Variants in NOSTRIN observed in about 807,000 individuals in gnomAD.
NOSTRIN encodes the protein BM247 homolog.
NOSTRIN carries 63 observed loss-of-function variants against 59.0 expected under a neutral mutation model. The observed-to-expected ratio is 1.07, with a 90% CI of 0.87 to 1.32. The LOEUF is 1.32. NOSTRIN is among the 40% of genes most tolerant of loss of function. The pLI is 0.00. For synonymous variants in NOSTRIN, 200 were observed against 165.4 expected (o/e 1.21, Z -1.61); for missense variants, 512 against 473.1 (o/e 1.08, Z -0.76).
upstream of NOSTRIN, among the ~76,000 whole-genome samples, chr2:168,800,502 G>T (rs756153856): frequency 6.6e-6 from 1 of 152,156 alleles, no homozygotes; most frequent in East Asian, 1.9e-4. Flanking sequence ...TGGCAGACAG[G>T]AGCAAGATGG....
chr2:168,797,051 T>C (rs1685496333), upstream of NOSTRIN, among the ~76,000 whole-genome samples: 1 of 150,478 alleles, frequency 6.6e-6, no homozygotes. Context: ...ACTCATACTT[T>C]TCTTTTCTTT....
chr2:168,859,501 T>C lies in NOSTRIN; in HGVS notation c.1054-11T>C. 1.9e-6 allele frequency: 3 copies of C among 1,613,206 alleles called. No individual in the cohort carries two copies. Among genetic ancestry groups the C allele is most frequent in the South Asian group, 1.1e-5 (1 of 90,750 alleles). ...GAAATTTGCTCACATGGCCAAATGA[T>C]GTATCCACAGAACAATTTGAAACTA... On this transcript the variant is annotated splice_polypyrimidine_tract_variant and intron_variant, in intron 12 of 15. Coordinates refer to ENST00000317647, the MANE Select transcript of NOSTRIN (RefSeq NM_001039724.4).
At chr2:168,834,201 T>C in intron 6 of NOSTRIN, 26 bp from the exon 7 acceptor site, 1 of 864,428 alleles carries the variant, frequency 1.2e-6, no homozygotes, top group Non-Finnish European at 2.0e-6. Flanking sequence ...CTCCTTTTTT[T>C]CTTGTTTGTA....
At chr2:168,802,434 A>C (rs6433093), upstream of NOSTRIN, 384,422 of 525,050 alleles carry the variant, frequency 0.73, 142,855 homozygotes, top group East Asian at 0.97. Context: ...ACTATCTCAC[A>C]CTGGCCGTCT....
intron 2 of NOSTRIN, among the ~76,000 whole-genome samples, chr2:168,791,130 T>A (rs912509030): frequency 4.7e-4 from 72 of 152,188 alleles, no homozygotes; most frequent in African/African-American, 1.7e-3. Context: ...CTCCTAATGC[T>A]ATCCCTCCCT....
At chr2:168,789,421 A>T (rs1419516656) in intron 2 of NOSTRIN, among the ~76,000 whole-genome samples, 1 of 152,046 alleles carries the variant, frequency 6.6e-6, no homozygotes, top group Middle Eastern at 3.2e-3. Context: ...GTATAGGGGA[A>T]CTCCCCTTTA....
At chr2:168,858,122 C>G (rs1040564162) in intron 12 of NOSTRIN, among the ~76,000 whole-genome samples, 2 of 152,224 alleles carry the variant, frequency 1.3e-5, no homozygotes, top group African/African-American at 4.8e-5. Flanking sequence ...TACATCTATT[C>G]CTTTGGCTGT....
intron 3 of NOSTRIN, 51 bp downstream of exon 3, chr2:168,824,768 T>TTTTTGTTTGTTTG (rs1553523541): frequency 1.2e-5 from 9 of 736,690 alleles, no homozygotes; most frequent in Admixed American, 7.8e-5. Context: ...TTTATTTGTT[T>TTTTTGTTTGTTTG]TTTGTTTGTT....
chr2:168,857,306 T>A (rs1689187634), intron 12 of NOSTRIN, among the ~76,000 whole-genome samples: 1 of 152,236 alleles, frequency 6.6e-6, no homozygotes, highest in South Asian at 2.1e-4. Flanking sequence ...TATTTTCCAT[T>A]CATCCCTCTG....
upstream of NOSTRIN, among the ~76,000 whole-genome samples, chr2:168,797,158 G>A (rs1685506448): frequency 1.5e-5 from 2 of 134,258 alleles, no homozygotes; most frequent in South Asian, 2.4e-4. Flanking sequence ...GCATGAACAC[G>A]GCTTATTGCA....
intron 2 of NOSTRIN, chr2:168,811,914 C>T (rs1297922036): frequency 1.7e-5 from 5 of 293,432 alleles, no homozygotes; most frequent in Non-Finnish European, 3.1e-5. Flanking sequence ...GTTTATTACC[C>T]TCTCCTGGGG....
At chr2:168,856,879 T>A in intron 12 of NOSTRIN, 101 bp downstream of exon 12, 1 of 1,078,750 alleles carries the variant, frequency 9.3e-7, no homozygotes, top group Non-Finnish European at 1.4e-6. Context: ...CTTTCCTTTC[T>A]CATGACATAG....
intron 5 of NOSTRIN, among the ~76,000 whole-genome samples, chr2:168,828,971 A>G (rs1333748396): frequency 6.6e-6 from 1 of 152,138 alleles, no homozygotes; most frequent in Non-Finnish European, 1.5e-5. Context: ...AATGATCTTT[A>G]GATGGTGAAA....
At chr2:168,817,018 G>A (rs1379303237) in intron 2 of NOSTRIN, among the ~76,000 whole-genome samples, 1 of 152,136 alleles carries the variant, frequency 6.6e-6, no homozygotes, top group Non-Finnish European at 1.5e-5. Flanking sequence ...TAAAATCACA[G>A]GAGAGACCAC....
At chr2:168,796,046 C>G (rs1271959140), upstream of NOSTRIN, among the ~76,000 whole-genome samples, 1 of 152,220 alleles carries the variant, frequency 6.6e-6, no homozygotes, top group Non-Finnish European at 1.5e-5. Context: ...GAAAACTAAT[C>G]ACTGCAATGA....
At chr2:168,842,478 C>T (rs1342675094) in intron 7 of NOSTRIN, among the ~76,000 whole-genome samples, 2 of 152,294 alleles carry the variant, frequency 1.3e-5, no homozygotes, top group East Asian at 3.9e-4. Context: ...CAAAGCTCTA[C>T]TTCTGGGTTT....
chr2:168,844,961 G>A lies in NOSTRIN; in HGVS notation c.630+1844G>A, dbSNP rs114139854. 1.2e-3 allele frequency among the ~76,000 whole-genome samples: 189 copies of A among 152,102 alleles called. 1 individual carries two copies. Among genetic ancestry groups the A allele is most frequent in the African/African-American group, 3.9e-3 (161 of 41,504 alleles). ...GGAGAGCAAAGGCTATATGGCAGGC[G>A]GAAACCCAACGGCTGCATTTACATC... On this transcript the variant is annotated intron_variant, in intron 8 of 15. Transcript: ENST00000317647.
chr2:168,849,796 C>T (rs1688644999), intron 8 of NOSTRIN, among the ~76,000 whole-genome samples: 1 of 152,004 alleles, frequency 6.6e-6, no homozygotes, highest in African/African-American at 2.4e-5. Context: ...CTTGGAGTCT[C>T]CCTGAATACT....
At chr2:168,790,239 T>C (rs1319723887) in intron 2 of NOSTRIN, among the ~76,000 whole-genome samples, 2 of 152,192 alleles carry the variant, frequency 1.3e-5, no homozygotes, top group African/African-American at 4.8e-5. Context: ...TAGTAATAAA[T>C]TATAATGCAT....
Sources: allele counts gnomAD v4.1 joint callset (sites outside exome capture counted in the v4.1 genomes callset), GRCh38; gene constraint gnomAD v4.1.1; transcripts MANE v1.5; gene names NCBI Gene and HGNC (gene_info 2026-07-23, HGNC 2026-07-21).